Variants in ARSF observed in about 807,000 individuals in gnomAD.
ARSF encodes arylsulfatase F.
A neutral mutation model predicts 35.4 loss-of-function variants in ARSF; 33 were observed. That is an observed-to-expected ratio of 0.93 (90% CI 0.71 to 1.25). The LOEUF is 1.25. Among genes scored for constraint, ARSF ranks in the 50% most tolerant of loss-of-function variants. ARSF has a pLI of 0.00. For missense variants in ARSF, 501 were observed against 480.2 expected, an observed-to-expected ratio of 1.04 and a Z score of -0.40; for synonymous variants, 222 against 193.1, an observed-to-expected ratio of 1.15 and a Z score of -1.24.
intron 1 of ARSF, among the ~76,000 whole-genome samples, chrX:3,042,941 G>A (rs1409796742): frequency 9.0e-6 from 1 of 110,619 alleles, no homozygotes; most frequent in East Asian, 2.9e-4. Context: ...CGGATCATGA[G>A]GTCAGGAGTT....
At chrX:3,091,736 G>A (rs193143815) in intron 7 of ARSF, among the ~76,000 whole-genome samples, 2 of 111,986 alleles carry the variant, frequency 1.8e-5, no homozygotes, top group East Asian at 5.6e-4. Flanking sequence ...GTGTACATAT[G>A]TATAGAAACA....
In ARSF at chrX:3,081,482, G is replaced by T. The variant is rs369935357; in HGVS notation, c.406+469G>T. 4.5e-5 allele frequency among the ~76,000 whole-genome samples: 5 copies of T among 110,648 alleles called. No individual in the cohort carries two copies. The East Asian group carries it at 8.6e-4, about 19-fold the overall frequency. ...CTCTCAAGTAGCTGGGACTACAGGC[G>T]CGTGCCACCACGACTGGCTAATTTT... On this transcript the variant is annotated intron_variant, in intron 5 of 10. Transcript: ENST00000381127.
At chrX:3,072,634 G>A (rs150332636) in intron 3 of ARSF, among the ~76,000 whole-genome samples, 1 of 110,339 alleles carries the variant, frequency 9.1e-6, no homozygotes, top group Non-Finnish European at 1.9e-5. Flanking sequence ...TGCAGAGAAG[G>A]CTTTATATCC....
At position 3,081,019 on chromosome X, in the gene ARSF, A is replaced by T; in HGVS notation, c.406+6A>T. ...ATACAGCACGGGGCTTATAGGTAAGACACAAGAATTGGTGTTAGTCATTGA... is the reference window on the plus strand; with the variant it reads ...ATACAGCACGGGGCTTATAGGTAAGTCACAAGAATTGGTGTTAGTCATTGA... On this transcript the variant is annotated splice_donor_region_variant and intron_variant, in intron 5 of 10. Transcript: ENST00000381127. 1 of 1,208,820 alleles carries T rather than the reference A, an allele frequency of 8.3e-7. No homozygotes were observed. The highest frequency in any genetic ancestry group is 1.7e-5 in the African/African-American group (1 of 57,737).
chrX:3,083,268 C>T, intron 5 of ARSF, among the ~76,000 whole-genome samples: 1 of 110,983 alleles, frequency 9.0e-6, no homozygotes, highest in East Asian at 2.8e-4. Context: ...TATACATACA[C>T]ATATGTATAC....
At chrX:3,084,111 A>T in intron 5 of ARSF, 132 bp from the exon 6 acceptor site, 1 of 800,956 alleles carries the variant, frequency 1.2e-6, no homozygotes, top group Non-Finnish European at 1.8e-6. Context: ...TAGAGGAAGG[A>T]GAATATCTCT....
Position 3,084,777 on chromosome X carries a change from C to A in ARSF, c.830+111C>A, listed in dbSNP as rs1188950340. On this transcript the variant is annotated intron_variant, in intron 6 of 10. Transcript: ENST00000381127. ...GTTTATAATAATCTATTGTACACTT[C>A]TAAATAGCTAAAAGAGAATAAGTCA... 16 of 746,795 alleles carry A rather than the reference C, an allele frequency of 2.1e-5. No individual in the cohort carries two copies. In the Admixed American group the frequency reaches 6.7e-4, roughly 31 times the overall value. 61.5% of individuals were successfully genotyped at this position (746,795 alleles called of 1,213,427 possible).
chrX:3,043,867 G>C (rs2089964938), intron 1 of ARSF, among the ~76,000 whole-genome samples: 1 of 111,007 alleles, frequency 9.0e-6, no homozygotes, highest in Non-Finnish European at 1.9e-5. Context: ...CTGTTCCCTT[G>C]AGCACTGGGC....
At position 3,112,325 on chromosome X, in the gene ARSF, A is replaced by G; in HGVS notation, c.1542A>G (p.Ser514=). ...TCTTCGATCTCTCCAGGGACCCCTC[A>G]GAGTCCACACCCCTGACACCTGCCA... ...PLLFDLSRDP[S]ESTPLTPATE... The change falls in exon 11 of 11, where the codon TCA becomes TCG. Residue 514 remains serine (S), a synonymous_variant. Coordinates refer to ENST00000381127, the MANE Select transcript of ARSF (RefSeq NM_001201539.2). 1 of 1,211,265 alleles carries G rather than the reference A, an allele frequency of 8.3e-7. No homozygotes were observed. Among genetic ancestry groups the G allele is most frequent in the Non-Finnish European group, 1.1e-6 (1 of 895,404 alleles).
chrX:3,050,198 A>C (rs1190317791), intron 1 of ARSF, among the ~76,000 whole-genome samples: 1 of 111,966 alleles, frequency 8.9e-6, no homozygotes, highest in Non-Finnish European at 1.9e-5. Flanking sequence ...GTCCCCCAAC[A>C]TGAAGGGGCC....
chrX:3,102,308 A>G (rs5939446), intron 8 of ARSF, among the ~76,000 whole-genome samples: 16,915 of 110,929 alleles, frequency 0.15, 997 homozygotes, highest in Middle Eastern at 0.22. Context: ...AAGTCACCAG[A>G]GCCCATTATA....
At chrX:3,053,758 ATTTTT>A (rs773968797) in intron 1 of ARSF, among the ~76,000 whole-genome samples, 1 of 82,644 alleles carries the variant, frequency 1.2e-5, no homozygotes. Flanking sequence ...CGCCTGGGTA[ATTTTT>A]TTTTTTTTTT....
intron 8 of ARSF, among the ~76,000 whole-genome samples, chrX:3,102,873 C>T (rs1389041425): frequency 1.8e-5 from 2 of 109,784 alleles, no homozygotes; most frequent in African/African-American, 6.7e-5. Context: ...GATAGCACCA[C>T]TGCACTCCAG....
intron 1 of ARSF, among the ~76,000 whole-genome samples, chrX:3,060,250 G>A (rs2090036302): frequency 8.9e-6 from 1 of 112,038 alleles, no homozygotes; most frequent in Non-Finnish European, 1.9e-5. Flanking sequence ...CTAACAAACA[G>A]AAAGGAATAG....
chrX:3,053,843 C>A (rs1212372072), intron 1 of ARSF, among the ~76,000 whole-genome samples: 1 of 105,080 alleles, frequency 9.5e-6, no homozygotes, highest in Non-Finnish European at 1.9e-5. Context: ...TTTACTGCAA[C>A]CTCCACCTCC....
intron 5 of ARSF, among the ~76,000 whole-genome samples, chrX:3,081,384 T>G (rs2090200775): frequency 8.9e-6 from 1 of 111,985 alleles, no homozygotes; most frequent in South Asian, 3.8e-4. Flanking sequence ...TCACCCAGGC[T>G]GGAGCACAGT....
intron 3 of ARSF, among the ~76,000 whole-genome samples, chrX:3,074,372 A>T (rs1356989185): frequency 9.0e-6 from 1 of 111,294 alleles, no homozygotes; most frequent in East Asian, 2.8e-4. Flanking sequence ...ATCTGAAAAA[A>T]AAATCAGATG....
At chrX:3,075,909 C>G (rs755508003) in intron 3 of ARSF, among the ~76,000 whole-genome samples, 1 of 108,008 alleles carries the variant, frequency 9.3e-6, no homozygotes, top group East Asian at 3.0e-4. Flanking sequence ...CTGTATCTCT[C>G]TCTGTGTCTC....
intron 7 of ARSF, among the ~76,000 whole-genome samples, chrX:3,094,126 G>C (rs765052684): frequency 1.8e-5 from 2 of 111,760 alleles, no homozygotes; most frequent in South Asian, 7.6e-4. Context: ...AGTGTATTCT[G>C]GATGAATCCC....
Sources: gnomAD v4.1 joint callset for allele counts (sites outside exome capture counted in the v4.1 genomes callset) on GRCh38, gnomAD v4.1.1 for gene constraint, MANE v1.5 for transcripts, NCBI Gene and HGNC (gene_info 2026-07-23, HGNC 2026-07-21) for gene names.